Variants in CD6 observed in about 807,000 individuals in gnomAD.
CD6 encodes the protein CD6 molecule, also known as T-cell differentiation antigen CD6.
A neutral mutation model predicts 75.3 loss-of-function variants in CD6; 53 were observed. The ratio of observed to expected loss-of-function variants is 0.70; its 90% CI spans 0.56 to 0.88. CD6 has a LOEUF of 0.88. Ranked by LOEUF, CD6 falls within the 40% of genes least tolerant of loss-of-function variation. CD6 has a pLI of 0.00. For missense variants in CD6, 770 were observed against 897.1 expected, an observed-to-expected ratio of 0.86 and a Z score of 1.81; for synonymous variants, 359 against 381.5, an observed-to-expected ratio of 0.94 and a Z score of 0.69.
intron 11 of CD6, 128 bp from the exon 12 acceptor site, chr11:61,018,161 T>C (rs1331117812): frequency 7.8e-7 from 1 of 1,286,198 alleles, no homozygotes; most frequent in African/African-American, 1.5e-5. Context: ...CTCCCATCTC[T>C]GGGCCTTCAC....
rs762653723 is a variant in CD6, at chr11:61,008,560, G to C, written c.496G>C (p.Gly166Arg). ...GAACCGCGCGCTGCGCCTGGTGGACGGTGGCGGCGCCTGCGCCGGCCGCGT... is the reference window on the plus strand; with the variant it reads ...GAACCGCGCGCTGCGCCTGGTGGACCGTGGCGGCGCCTGCGCCGGCCGCGT... ...AENRALRLVD[G>R]GGACAGRVEM... Residue 166 changes from glycine (G) to arginine (R), a missense_variant, in exon 4 of 13, where the codon GGT (glycine) becomes CGT (arginine). Coordinates refer to ENST00000313421, the MANE Select transcript of CD6 (RefSeq NM_006725.5). 19 of 1,605,440 alleles carry C rather than the reference G, an allele frequency of 1.2e-5. No individual in the cohort carries two copies. Among genetic ancestry groups the C allele is most frequent in the Admixed American group, 1.0e-4 (6 of 59,290 alleles).
At chr11:60,991,149 CTTT>C (rs58123378) in intron 1 of CD6, among the ~76,000 whole-genome samples, 2 of 114,712 alleles carry the variant, frequency 1.7e-5, no homozygotes, top group African/African-American at 3.3e-5. Flanking sequence ...CTTTTTCTTT[CTTT>C]TTTTTTTTTT....
chr11:61,010,899 G>T (rs547762057), intron 5 of CD6, among the ~76,000 whole-genome samples, 171 bp from the exon 6 acceptor site: 2 of 152,178 alleles, frequency 1.3e-5, no homozygotes, highest in African/African-American at 4.8e-5. Flanking sequence ...TCCTTACTGT[G>T]GGGGGTGGGG....
intron 12 of CD6, 101 bp downstream of exon 12, chr11:61,018,494 G>A (rs1256924814): frequency 7.6e-6 from 7 of 918,930 alleles, no homozygotes; most frequent in African/African-American, 1.6e-5. Context: ...GGGAAAAGGA[G>A]AAAGGAAGGG....
chr11:61,013,839 CGAT>C (rs1859274099), intron 7 of CD6, 77 bp from the exon 8 acceptor site: 4 of 987,270 alleles, frequency 4.1e-6, no homozygotes, highest in Middle Eastern at 2.2e-4. Flanking sequence ...GGTGGTGTGT[CGAT>C]GAGAACAGAA....
intron 1 of CD6, among the ~76,000 whole-genome samples, chr11:60,996,530 G>A (rs1858303611): frequency 6.6e-6 from 1 of 152,262 alleles, no homozygotes; most frequent in Non-Finnish European, 1.5e-5. Flanking sequence ...CCTGGAGTCT[G>A]AGCCAGGGCC....
Position 61,017,297 on chromosome 11 carries a change from G to C in CD6, c.1511-182G>C, listed in dbSNP as rs1859445442. ...GTCCCCAGGCTAGATTAAGGCGAAG[G>C]CTCTGCTGGATTGGGATATGAACCT... On this transcript the variant is annotated intron_variant, in intron 9 of 12. Coordinates refer to ENST00000313421, the MANE Select transcript of CD6 (RefSeq NM_006725.5). 3 of 610,108 alleles carry C rather than the reference G, an allele frequency of 4.9e-6. No homozygotes were observed. The East Asian group carries it at 8.3e-5, about 17-fold the overall frequency. The allele number at this position is 610,108 out of a possible 1,614,324, so 37.8% of individuals were successfully genotyped here.
At chr11:61,008,360 G>T (rs1357174870) in intron 3 of CD6, 174 bp from the exon 4 acceptor site, 2 of 624,796 alleles carry the variant, frequency 3.2e-6, no homozygotes, top group Admixed American at 3.1e-5. Flanking sequence ...ACCAGCCTGC[G>T]GCTCTACCTA....
chr11:61,017,659 T>C, intron 10 of CD6, 100 bp from the exon 11 acceptor site: 1 of 1,587,258 alleles, frequency 6.3e-7, no homozygotes. Flanking sequence ...CTTTCCTGAC[T>C]TTCACAAATC....
intron 1 of CD6, among the ~76,000 whole-genome samples, chr11:61,006,122 T>A (rs1029843406): frequency 2.0e-5 from 3 of 152,186 alleles, no homozygotes; most frequent in African/African-American, 7.2e-5. Context: ...ATAAACAAAA[T>A]TTTCTTTTTC....
chr11:60,976,340 A>G (rs1419483329), intron 1 of CD6, among the ~76,000 whole-genome samples: 1 of 152,198 alleles, frequency 6.6e-6, no homozygotes, highest in Non-Finnish European at 1.5e-5. Context: ...GTTTACAGAT[A>G]TTGTCAAATT....
At chr11:60,995,682 G>A (rs1232468720) in intron 1 of CD6, among the ~76,000 whole-genome samples, 1 of 152,128 alleles carries the variant, frequency 6.6e-6, no homozygotes, top group Non-Finnish European at 1.5e-5. Flanking sequence ...AGAGCAAGTG[G>A]GGAAGGGGTG....
At chr11:60,987,628 A>G (rs1857877217) in intron 1 of CD6, among the ~76,000 whole-genome samples, 1 of 151,932 alleles carries the variant, frequency 6.6e-6, no homozygotes, top group Non-Finnish European at 1.5e-5. Flanking sequence ...TCACTGCCCT[A>G]CTTAATCTCT....
chr11:61,000,898 G>C (rs1590702135), intron 1 of CD6, among the ~76,000 whole-genome samples: 1 of 152,096 alleles, frequency 6.6e-6, no homozygotes, highest in Non-Finnish European at 1.5e-5. Context: ...CTTCTGCATG[G>C]GACTGGCCTG....
At chr11:60,974,493 C>A (rs190000101) in intron 1 of CD6, among the ~76,000 whole-genome samples, 4 of 152,326 alleles carry the variant, frequency 2.6e-5, no homozygotes, top group Admixed American at 2.6e-4. Flanking sequence ...GATCCACCCA[C>A]CTCAGCCTCC....
rs1347572762 is a variant in CD6, at chr11:61,008,569, G to A, written c.505G>A (p.Ala169Thr). The A allele has an allele frequency of 6.2e-7, 1 of 1,606,384 alleles. No homozygotes were observed. The highest frequency in any genetic ancestry group is 1.1e-5 in the South Asian group (1 of 89,914). ...GCTGCGCCTGGTGGACGGTGGCGGCGCCTGCGCCGGCCGCGTGGAGATGCT... is the reference window on the plus strand; with the variant it reads ...GCTGCGCCTGGTGGACGGTGGCGGCACCTGCGCCGGCCGCGTGGAGATGCT... ...RALRLVDGGG[A>T]CAGRVEMLEH... is the part of the protein sequence containing the mutation. Residue 169 changes from alanine (A) to threonine (T), a missense_variant, in exon 4 of 13, where the codon GCC (alanine) becomes ACC (threonine). By Grantham distance (58) the Ala-to-Thr change is moderately conservative. Transcript: ENST00000313421.
rs1859122858 is a variant in CD6 at position 61,011,152 on chromosome 11, A to G, written c.1150+17A>G. Reference sequence around the variant, plus strand: ...TCACTATAGGTAAGTGTTGCTGGGTACTACGCGGTTTCTCAGAAGCTTGGA... The same window carrying G: ...TCACTATAGGTAAGTGTTGCTGGGTGCTACGCGGTTTCTCAGAAGCTTGGA... On this transcript the variant is annotated intron_variant, in intron 6 of 12. Transcript: ENST00000313421. 5 of 1,576,158 alleles carry G rather than the reference A, an allele frequency of 3.2e-6. No individual in the cohort carries two copies. In the South Asian group the frequency reaches 4.5e-5, roughly 14 times the overall value.
At chr11:60,995,777 T>G (rs1197440553) in intron 1 of CD6, among the ~76,000 whole-genome samples, 1 of 152,170 alleles carries the variant, frequency 6.6e-6, no homozygotes, top group Non-Finnish European at 1.5e-5. Context: ...CAGGACCCCC[T>G]GCCCCGGAGA....
At chr11:60,985,686 A>G (rs1006007062) in intron 1 of CD6, among the ~76,000 whole-genome samples, 11 of 152,208 alleles carry the variant, frequency 7.2e-5, no homozygotes, top group African/African-American at 2.4e-4. Context: ...GGCCAGGCAC[A>G]GTGGCTGATG....
Sources: allele counts gnomAD v4.1 joint callset (sites outside exome capture counted in the v4.1 genomes callset), GRCh38; gene constraint gnomAD v4.1.1; transcripts MANE v1.5; gene names NCBI Gene and HGNC (gene_info 2026-07-23, HGNC 2026-07-21).